DENND1A: variants seen among roughly 807,000 people sequenced by gnomAD.
The protein encoded by DENND1A is DENN domain-containing protein 1A.
In DENND1A, 51 loss-of-function variants were observed where a neutral mutation model predicts 113.7. The observed-to-expected ratio is 0.45, with a 90% confidence interval of 0.36 to 0.57. The LOEUF is 0.57. Ranked by LOEUF, DENND1A falls within the 20% of genes least tolerant of loss-of-function variation. The pLI, the probability that DENND1A is intolerant of heterozygous loss-of-function variation, is 0.00. For synonymous variants in DENND1A, 565 were observed against 570.8 expected (o/e 0.99, Z 0.14); for missense variants, 1,258 against 1,395.9 (o/e 0.90, Z 1.57).
At chr9:123,699,300 C>T (rs2065724821) in intron 5 of DENND1A, among the ~76,000 whole-genome samples, 3 of 152,044 alleles carry the variant, frequency 2.0e-5, no homozygotes, top group Admixed American at 6.6e-5. Context: ...AGATGGAAAG[C>T]TGTGATGTTA....
chr9:123,409,407 G>A (rs372111284), intron 20 of DENND1A, among the ~76,000 whole-genome samples: 20 of 151,868 alleles, frequency 1.3e-4, no homozygotes, highest in African/African-American at 4.6e-4. Context: ...TAAAGGAAAT[G>A]CTCACTGGAG....
At chr9:123,539,560 A>T (rs1350006816) in intron 13 of DENND1A, among the ~76,000 whole-genome samples, 1 of 152,112 alleles carries the variant, frequency 6.6e-6, no homozygotes, top group Non-Finnish European at 1.5e-5. Flanking sequence ...AAGAGTTGGG[A>T]TGAAAGGGGA....
intron 5 of DENND1A, among the ~76,000 whole-genome samples, chr9:123,740,793 C>CA (rs959366911): frequency 1.3e-5 from 2 of 151,994 alleles, no homozygotes; most frequent in African/African-American, 4.8e-5. Context: ...TCTCAATCTA[C>CA]AAGCTGTGCT....
chr9:123,582,683 G>A (rs1299505603), intron 12 of DENND1A, among the ~76,000 whole-genome samples: 1 of 149,812 alleles, frequency 6.7e-6, no homozygotes, highest in Non-Finnish European at 1.5e-5. Context: ...ACAGGTGTGA[G>A]CCACTGTGCC....
chr9:123,414,178 G>T, intron 19 of DENND1A: 1 of 1,022,022 alleles, frequency 9.8e-7, no homozygotes, highest in Non-Finnish European at 1.2e-6. Context: ...CCCACGATTT[G>T]ACCATTCCAA....
rs1476167819 is a variant in DENND1A, at chr9:123,387,812, A to T, written c.1678T>A (p.Ser560Thr). The T allele has an allele frequency of 1.6e-6, 2 of 1,290,014 alleles. No individual in the cohort carries two copies. The highest frequency in any genetic ancestry group is 1.1e-4 in the East Asian group (2 of 18,028). The allele number at this position is 1,290,014 out of a possible 1,614,324, so 79.9% of individuals were successfully genotyped here. Reference sequence around the variant, plus strand: ...TCCCGCTGGCATTCATCATCAGAGGAGTCTTCGGAGAGGAAGACCGCATAG... The same window carrying T: ...TCCCGCTGGCATTCATCATCAGAGGTGTCTTCGGAGAGGAAGACCGCATAG... ...RHYAVFLSED[S>T]SDDECQREEG... Residue 560 changes from serine to threonine, a missense_variant, in exon 22 of 24, where the codon TCC becomes ACC. Ser to Thr is a moderately conservative substitution (Grantham distance 58, BLOSUM62 1). Coordinates refer to ENST00000394215, the MANE Select transcript of DENND1A (RefSeq NM_001352964.2).
rs202062088 is a variant in DENND1A at position 123,402,522 on chromosome 9, C to G, written c.1631+880G>C. ...GCCAGACAGACATGGGGGCCTCCCC[C>G]TTTCCACCCAAAGGACTTCAGGATC... On this transcript the variant is annotated intron_variant, in intron 21 of 23. Transcript: ENST00000394215. 294 of 534,722 alleles carry G rather than the reference C, an allele frequency of 5.5e-4. 1 individual carries two copies. The highest frequency in any genetic ancestry group is 9.7e-4 in the Non-Finnish European group (252 of 260,112). 33.1% of individuals were successfully genotyped at this position (534,722 alleles called of 1,614,324 possible).
chr9:123,652,045 G>A lies in DENND1A; in HGVS notation c.586C>T (p.Arg196Trp), dbSNP rs1182874828. ...AGTTTGCTGCAAATGATGAGTATCC[G>A]GCGTTCGTACAGCATACTGGCGTAC... ...HLYASMLYERRILIICSKLST... is the reference protein window; with the variant it reads ...HLYASMLYERWILIICSKLST... The change falls in exon 9 of 24, where the codon CGG (arginine) becomes TGG (tryptophan). Residue 196 changes from arginine (R) to tryptophan (W), a missense_variant. Arg to Trp is a moderately radical substitution (Grantham distance 101). Around this residue, in one of 2 missense-constraint regions of DENND1A, gnomAD observed 1,159 missense variants for 1,231.7 expected, o/e 0.94. Coordinates refer to ENST00000394215, the MANE Select transcript of DENND1A (RefSeq NM_001352964.2). 1.2e-6 allele frequency: 2 copies of A among 1,614,024 alleles called. No individual in the cohort carries two copies. The highest frequency in any genetic ancestry group is 1.7e-6 in the Non-Finnish European group (2 of 1,179,998).
chr9:123,451,894 A>G (rs1391799520), intron 17 of DENND1A, among the ~76,000 whole-genome samples: 1 of 152,204 alleles, frequency 6.6e-6, no homozygotes, highest in East Asian at 1.9e-4. Context: ...AGGACAAGGT[A>G]TACTTAAGAG....
chr9:123,454,701 A>AG, intron 16 of DENND1A, 38 bp downstream of exon 16: 1 of 1,550,320 alleles, frequency 6.5e-7, no homozygotes, highest in Non-Finnish European at 8.7e-7. Flanking sequence ...GAAGCTAAGG[A>AG]GGGAGTCCAG....
intron 13 of DENND1A, among the ~76,000 whole-genome samples, chr9:123,535,652 C>T (rs577560099): frequency 6.6e-6 from 1 of 152,314 alleles, no homozygotes; most frequent in South Asian, 2.1e-4. Context: ...GCCTAGAATG[C>T]TCAGATCCCA....
chr9:123,610,420 A>T (rs2060364575), intron 10 of DENND1A, among the ~76,000 whole-genome samples: 2 of 152,228 alleles, frequency 1.3e-5, no homozygotes, highest in Admixed American at 1.3e-4. Flanking sequence ...ACCTAATACC[A>T]CAAAACAAAG....
chr9:123,855,863 C>T (rs546336838), intron 2 of DENND1A, among the ~76,000 whole-genome samples: 1 of 152,000 alleles, frequency 6.6e-6, no homozygotes, highest in Non-Finnish European at 1.5e-5. Context: ...CATGGAGAAA[C>T]CCCACCTCTG....
At chr9:123,888,956 C>CTGTGTGTGTGTG (rs58270598) in intron 1 of DENND1A, among the ~76,000 whole-genome samples, 265 of 131,172 alleles carry the variant, frequency 2.0e-3, no homozygotes, top group African/African-American at 4.5e-3. Context: ...GTGCTTTAAA[C>CTGTGTGTGTGTG]TGTGTGTGTG....
At chr9:123,663,815 T>C (rs2063362761) in intron 8 of DENND1A, among the ~76,000 whole-genome samples, 1 of 151,926 alleles carries the variant, frequency 6.6e-6, no homozygotes, top group South Asian at 2.1e-4. Context: ...ACATTTTGTG[T>C]GCTTTTAAAA....
In DENND1A at chr9:123,903,512, C is replaced by T. The variant is rs146558876; in HGVS notation, c.18-24491G>A. On this transcript the variant is annotated intron_variant, in intron 1 of 23. Coordinates refer to ENST00000394215, the MANE Select transcript of DENND1A (RefSeq NM_001352964.2). ...GACAGTGGGCGCAGGTCAGTGGGTG[C>T]GGGCACCGTGCACGAGCTGAAGCAG... Among the ~76,000 whole-genome samples the T allele has an allele frequency of 3.0e-3, 456 of 152,054 alleles. 8 individuals are homozygous for T. In the East Asian group the frequency reaches 0.063, roughly 21 times the overall value.
intron 20 of DENND1A, among the ~76,000 whole-genome samples, chr9:123,410,252 C>T (rs1469916470): frequency 6.6e-6 from 1 of 152,236 alleles, no homozygotes; most frequent in Admixed American, 6.5e-5. Flanking sequence ...AGTGACATGA[C>T]TTCAGCATTC....
chr9:123,468,238 C>G (rs2049115381), intron 13 of DENND1A, among the ~76,000 whole-genome samples: 1 of 152,210 alleles, frequency 6.6e-6, no homozygotes, highest in Non-Finnish European at 1.5e-5. Context: ...GTGGGTAGAG[C>G]TACCTGCCTC....
At chr9:123,857,926 G>A (rs1247602183) in intron 2 of DENND1A, among the ~76,000 whole-genome samples, 1 of 152,070 alleles carries the variant, frequency 6.6e-6, no homozygotes, top group Admixed American at 6.5e-5. Flanking sequence ...GGGCGTGGTG[G>A]CGGACGCCTG....
Sources: gnomAD v4.1 joint callset for allele counts (sites outside exome capture counted in the v4.1 genomes callset) on GRCh38, gnomAD v4.1.1 for gene constraint, gnomAD v4.1.1 regional missense constraint, MANE v1.5 for transcripts, NCBI Gene and HGNC (gene_info 2026-07-23, HGNC 2026-07-21) for gene names.